Variants in ASIC5 observed in about 807,000 individuals in gnomAD.
ASIC5 encodes the protein acid sensing ion channel subunit family member 5.
ASIC5 carries 52 observed loss-of-function variants against 51.2 expected under a neutral mutation model. That is an observed-to-expected ratio of 1.02 (90% CI 0.81 to 1.28). ASIC5 has a LOEUF of 1.28. ASIC5 is among the 50% of genes most tolerant of loss of function. The pLI, the probability that ASIC5 is intolerant of heterozygous loss-of-function variation, is 0.00. For missense variants in ASIC5, 635 were observed against 595.0 expected (o/e 1.07, Z -0.70); for synonymous variants, 231 against 200.7 (o/e 1.15, Z -1.28).
intron 4 of ASIC5, among the ~76,000 whole-genome samples, chr4:155,849,926 T>C (rs1350250829): frequency 1.3e-5 from 2 of 152,002 alleles, no homozygotes; most frequent in Non-Finnish European, 2.9e-5. Context: ...TTGTTCTTTT[T>C]TTTGCTGTTG....
chr4:155,863,851 G>T (rs1315434703), intron 1 of ASIC5, 97 bp from the exon 2 acceptor site: 6 of 976,534 alleles, frequency 6.1e-6, no homozygotes, highest in South Asian at 1.7e-5. Context: ...ATTTAAAGAG[G>T]TGACTCTTTT....
At chr4:155,843,657 A>C (rs754111882) in intron 5 of ASIC5, 24 bp downstream of exon 5, 1 of 1,611,728 alleles carries the variant, frequency 6.2e-7, no homozygotes, top group South Asian at 1.1e-5. Context: ...ACCCCACCTA[A>C]TTTCCTCAGA....
intron 9 of ASIC5, among the ~76,000 whole-genome samples, chr4:155,830,891 C>G (rs780627428): frequency 6.6e-6 from 1 of 152,122 alleles, no homozygotes; most frequent in African/African-American, 2.4e-5. Context: ...AGGACCATTC[C>G]GTTTTTGTAA....
chr4:155,861,847 A>G (rs1160315853), intron 2 of ASIC5, among the ~76,000 whole-genome samples: 1 of 151,946 alleles, frequency 6.6e-6, no homozygotes, highest in Non-Finnish European at 1.5e-5. Context: ...CCTTATAAGA[A>G]CTTCAGTCAT....
In ASIC5 at chr4:155,852,244, T is replaced by A; in HGVS notation, c.658A>T (p.Arg220Ter). 1 of 1,609,678 alleles carries A rather than the reference T, an allele frequency of 6.2e-7. No individual in the cohort carries two copies. Among genetic ancestry groups the A allele is most frequent in the Non-Finnish European group, 8.5e-7 (1 of 1,178,146 alleles). The part of the protein sequence containing the change: ...FNHGETLQAK[R>*]KVSVSGRGLS... ...CCTCTTCCAGAGACACTCACTTTTC[T>A]CTTTGCTTGGAGAGTTTCACCATGA... Residue 220 changes from arginine (R) to a stop codon, truncating the protein, a stop_gained, in exon 4 of 10, where the codon AGA becomes TGA. Transcript: ENST00000537611. LOFTEE classifies it high-confidence loss of function.
At chr4:155,863,008 C>A (rs145236682) in intron 2 of ASIC5, among the ~76,000 whole-genome samples, 1 of 152,024 alleles carries the variant, frequency 6.6e-6, no homozygotes, top group Non-Finnish European at 1.5e-5. Flanking sequence ...TGATGTTTCT[C>A]TTTTCTGCTA....
chr4:155,842,106 C>T (rs1741131521), intron 6 of ASIC5, 101 bp downstream of exon 6: 4 of 1,106,616 alleles, frequency 3.6e-6, no homozygotes, highest in Admixed American at 2.2e-5. Context: ...ACTTAATATT[C>T]CATTTGTATT....
intron 4 of ASIC5, among the ~76,000 whole-genome samples, chr4:155,844,670 C>T (rs1425272441): frequency 1.3e-5 from 2 of 151,712 alleles, no homozygotes; most frequent in Non-Finnish European, 2.9e-5. Flanking sequence ...AACTCAGAAC[C>T]CTCTAGCTCA....
chr4:155,858,657 G>A (rs1041255292), intron 2 of ASIC5, among the ~76,000 whole-genome samples: 5 of 152,004 alleles, frequency 3.3e-5, no homozygotes, highest in East Asian at 1.9e-4. Context: ...TATTTAAAGC[G>A]GAAAGCGTGG....
At chr4:155,841,842 G>A (rs886182535) in intron 6 of ASIC5, among the ~76,000 whole-genome samples, 6 of 152,062 alleles carry the variant, frequency 3.9e-5, no homozygotes, top group Non-Finnish European at 8.8e-5. Context: ...TTTGTCAGTC[G>A]AAGTTGTACC....
intron 4 of ASIC5, among the ~76,000 whole-genome samples, chr4:155,849,397 A>G (rs1201623984): frequency 2.0e-5 from 3 of 152,070 alleles, no homozygotes; most frequent in Non-Finnish European, 4.4e-5. Context: ...ACAAAGTTCC[A>G]CCAAAGGCAA....
At chr4:155,843,557 G>A in intron 5 of ASIC5, 124 bp downstream of exon 5, 8 of 1,064,758 alleles carry the variant, frequency 7.5e-6, no homozygotes, top group Non-Finnish European at 1.1e-5. Context: ...AATCTGAAAT[G>A]AAATTTTGGA....
intron 6 of ASIC5, among the ~76,000 whole-genome samples, chr4:155,839,488 C>T (rs1323619714): frequency 6.6e-6 from 1 of 152,044 alleles, no homozygotes; most frequent in Non-Finnish European, 1.5e-5. Context: ...TAGAAAATCA[C>T]TATGTATCAG....
At chr4:155,843,946 T>C (rs6536103) in intron 4 of ASIC5, 116 bp from the exon 5 acceptor site, 25,920 of 928,074 alleles carry the variant, frequency 0.028, 1,948 homozygotes, top group African/African-American at 0.22. Flanking sequence ...AAATATTTTA[T>C]GTTATATTTC....
intron 1 of ASIC5, chr4:155,864,447 T>G (rs936692808): frequency 6.6e-6 from 1 of 152,182 alleles, no homozygotes; most frequent in Admixed American, 6.5e-5. Context: ...CTAAATTTTT[T>G]TGGCAATATA....
chr4:155,860,546 A>G (rs946666675), intron 2 of ASIC5, among the ~76,000 whole-genome samples: 2 of 151,914 alleles, frequency 1.3e-5, no homozygotes, highest in Admixed American at 6.6e-5. Flanking sequence ...GTAAAATTAT[A>G]CTTTGGGAGC....
chr4:155,865,719 T>C, intron 1 of ASIC5, among the ~76,000 whole-genome samples: 1 of 152,058 alleles, frequency 6.6e-6, no homozygotes, highest in East Asian at 1.9e-4. Flanking sequence ...TGTATGACTG[T>C]CAGGAAGATT....
At position 155,831,890 on chromosome 4, in the gene ASIC5, T is replaced by C; in HGVS notation, c.1261A>G (p.Asn421Asp). Reference protein sequence around the residue: ...IRENLVKIEINYSDLNYKITQ... With the variant: ...IRENLVKIEIDYSDLNYKITQ... The stretch of plus-strand genomic sequence containing the variant: ...ATCTTATAGTTTAGGTCACTATAGT[T>C]AATTTCAATTTTTACAAGATTCTCC... Residue 421 changes from asparagine (N) to aspartate (D), a missense_variant, in exon 9 of 10, where the codon AAC becomes GAC. Asn to Asp is a conservative substitution (Grantham distance 23). Coordinates refer to ENST00000537611, the MANE Select transcript of ASIC5 (RefSeq NM_017419.3). 5 of 1,598,672 alleles carry C rather than the reference T, an allele frequency of 3.1e-6. No individual in the cohort carries two copies. The highest frequency in any genetic ancestry group is 1.1e-5 in the South Asian group (1 of 90,244).
intron 2 of ASIC5, among the ~76,000 whole-genome samples, chr4:155,857,919 G>C (rs1344922524): frequency 6.6e-6 from 1 of 152,020 alleles, no homozygotes; most frequent in Non-Finnish European, 1.5e-5. Flanking sequence ...AAAAATGCTT[G>C]AGCAATTTTT....
Sources: allele counts gnomAD v4.1 joint callset (sites outside exome capture counted in the v4.1 genomes callset), GRCh38; gene constraint gnomAD v4.1.1; transcripts MANE v1.5; gene names NCBI Gene and HGNC (gene_info 2026-07-23, HGNC 2026-07-21).